EPB41L4A: variants seen among roughly 807,000 people sequenced by gnomAD.
EPB41L4A encodes band 4.1-like protein 4A.
A neutral mutation model predicts 108.6 loss-of-function variants in EPB41L4A; 100 were observed. That is an observed-to-expected ratio of 0.92 (90% confidence interval 0.78 to 1.09). The LOEUF is 1.09. Among genes scored for constraint, EPB41L4A ranks in the 50% least tolerant of loss-of-function variants. EPB41L4A has a pLI of 0.00. For synonymous variants in EPB41L4A, 319 were observed against 289.0 expected, an observed-to-expected ratio of 1.10 and a Z score of -1.05; for missense variants, 1,030 against 842.7, an observed-to-expected ratio of 1.22 and a Z score of -2.75.
At chr5:112,357,527 A>G (rs937083550) in intron 1 of EPB41L4A, among the ~76,000 whole-genome samples, 1 of 152,208 alleles carries the variant, frequency 6.6e-6, no homozygotes, top group Non-Finnish European at 1.5e-5. Context: ...TGGAAAGGAA[A>G]CTTGGGCCCG....
At chr5:112,417,999 T>G (rs1458894224) in intron 1 of EPB41L4A, among the ~76,000 whole-genome samples, 1 of 152,166 alleles carries the variant, frequency 6.6e-6, no homozygotes, top group Non-Finnish European at 1.5e-5. Context: ...AGAGGATACT[T>G]GGCAGCCTGA....
intron 4 of EPB41L4A, among the ~76,000 whole-genome samples, chr5:112,274,965 G>A (rs1166419076): frequency 6.6e-6 from 1 of 152,174 alleles, no homozygotes; most frequent in Non-Finnish European, 1.5e-5. Context: ...CTGGGCAAAT[G>A]TATATTTAGA....
chr5:112,359,224 A>T (rs529753907), intron 1 of EPB41L4A, among the ~76,000 whole-genome samples: 1 of 151,098 alleles, frequency 6.6e-6, no homozygotes, highest in East Asian at 2.0e-4. Context: ...ATATGTACAC[A>T]TGTCTTAGAA....
rs567838448 is a variant in EPB41L4A, at chr5:112,303,831, G to A, written c.204+3555C>T. Among the ~76,000 whole-genome samples the A allele has an allele frequency of 1.1e-3, 172 of 152,210 alleles. 1 individual carries two copies. Among genetic ancestry groups the A allele is most frequent in the African/African-American group, 4.0e-3 (166 of 41,530 alleles). The stretch of plus-strand genomic sequence containing the variant: ...TTAGACAAGGTTTTCTGAAGTTTAC[G>A]CGTGATGCAGAAGGAGCCAAAGACA... On this transcript the variant is annotated intron_variant, in intron 2 of 22. Transcript: ENST00000261486.
intron 15 of EPB41L4A, among the ~76,000 whole-genome samples, chr5:112,203,866 A>C (rs1762336780): frequency 6.6e-6 from 1 of 151,224 alleles, no homozygotes; most frequent in Admixed American, 6.6e-5. Flanking sequence ...ACATGGAAAA[A>C]CCCCTACTAA....
intron 16 of EPB41L4A, 26 bp from the exon 17 acceptor site, chr5:112,194,671 A>AC (rs776275812): frequency 3.9e-6 from 6 of 1,533,658 alleles, no homozygotes; most frequent in Non-Finnish European, 5.3e-6. Flanking sequence ...TAAGAACAAA[A>AC]GAAAAAACAC....
chr5:112,175,920 C>T (rs1186008350), intron 18 of EPB41L4A, among the ~76,000 whole-genome samples: 2 of 152,136 alleles, frequency 1.3e-5, no homozygotes, highest in African/African-American at 4.8e-5. Context: ...TACAAGCCAC[C>T]ATACCCAGCT....
At chr5:112,295,854 C>G (rs1398579285) in intron 2 of EPB41L4A, among the ~76,000 whole-genome samples, 1 of 152,176 alleles carries the variant, frequency 6.6e-6, no homozygotes, top group African/African-American at 2.4e-5. Flanking sequence ...AATTTCCATA[C>G]TCTAGCTACT....
At chr5:112,401,454 A>G (rs1388392309) in intron 1 of EPB41L4A, among the ~76,000 whole-genome samples, 2 of 152,238 alleles carry the variant, frequency 1.3e-5, no homozygotes, top group African/African-American at 4.8e-5. Flanking sequence ...CATTAATTTT[A>G]AAGAATTTTT....
intron 9 of EPB41L4A, among the ~76,000 whole-genome samples, chr5:112,253,400 T>C (rs1750834303): frequency 6.6e-6 from 1 of 152,178 alleles, no homozygotes; most frequent in African/African-American, 2.4e-5. Context: ...TGTATTCTTT[T>C]AAAATGTCAA....
rs1174221705 is a variant in EPB41L4A at position 112,143,767 on chromosome 5, C to T, written n.1226G>A. On this transcript the variant is annotated non_coding_transcript_exon_variant, in exon 14 of 14. Coordinates refer to the EPB41L4A transcript ENST00000507810. ...CAGACAAGGGCTCCAATTGGCCCAG[C>T]TTGAGTCACGTGTTAATACCTGAAC... 6 of 402,226 alleles carry T rather than the reference C, an allele frequency of 1.5e-5. No individual in the cohort carries two copies. The East Asian group carries it at 3.9e-4, about 26-fold the overall frequency. The allele number at this position is 402,226 out of a possible 1,614,324, so 24.9% of individuals were successfully genotyped here.
At chr5:112,182,733 T>G (rs1761219407) in intron 18 of EPB41L4A, among the ~76,000 whole-genome samples, 1 of 152,176 alleles carries the variant, frequency 6.6e-6, no homozygotes, top group Admixed American at 6.5e-5. Context: ...TCTTGGGTTC[T>G]GCACCTTTTG....
intron 2 of EPB41L4A, among the ~76,000 whole-genome samples, chr5:112,293,376 G>A (rs371834728): frequency 1.0e-5 from 1 of 98,808 alleles, no homozygotes; most frequent in Non-Finnish European, 2.0e-5. Flanking sequence ...TTTTAATTTA[G>A]TTTAATTTAG....
rs115820835 is a variant in EPB41L4A at position 112,237,247 on chromosome 5, A to G, written c.965+2413T>C. Among the ~76,000 whole-genome samples, 860 of 152,292 alleles carry G rather than the reference A, an allele frequency of 5.6e-3. 8 individuals carry two copies. The highest frequency in any genetic ancestry group is 0.019 in the African/African-American group (809 of 41,570). On this transcript the variant is annotated intron_variant, in intron 11 of 22. Transcript: ENST00000261486. The stretch of plus-strand genomic sequence containing the variant: ...TAAAACAACAGTAACAACAACAACA[A>G]AAAGTACTGGAACATCAGATTTCAG...
intron 1 of EPB41L4A, among the ~76,000 whole-genome samples, chr5:112,379,772 T>C (rs946894398): frequency 6.6e-6 from 1 of 152,190 alleles, no homozygotes; most frequent in African/African-American, 2.4e-5. Context: ...ATACATTCCC[T>C]AGCAGTAACA....
downstream of EPB41L4A, chr5:112,161,106 G>A (rs1759870446): frequency 5.9e-6 from 1 of 169,042 alleles, no homozygotes; most frequent in African/African-American, 2.4e-5. Flanking sequence ...GTCGATTTGT[G>A]TTTACATCAT....
intron 5 of EPB41L4A, 67 bp downstream of exon 5, chr5:112,266,166 T>C: frequency 1.8e-6 from 2 of 1,137,156 alleles, no homozygotes; most frequent in Non-Finnish European, 2.5e-6. Context: ...GTATGTAAAC[T>C]CCCTTTTAAA....
chr5:112,389,676 G>T (rs1415490938), intron 1 of EPB41L4A, among the ~76,000 whole-genome samples: 1 of 152,046 alleles, frequency 6.6e-6, no homozygotes, highest in Non-Finnish European at 1.5e-5. Flanking sequence ...GTCTATAAAG[G>T]CAACTTCCTC....
intron 2 of EPB41L4A, among the ~76,000 whole-genome samples, chr5:112,285,031 G>T (rs1274768897): frequency 2.0e-5 from 3 of 152,096 alleles, no homozygotes; most frequent in African/African-American, 7.2e-5. Context: ...CCTTTCATTT[G>T]TCAACTGTTC....
Sources: allele counts gnomAD v4.1 joint callset (sites outside exome capture counted in the v4.1 genomes callset), GRCh38; gene constraint gnomAD v4.1.1; transcripts MANE v1.5; gene names NCBI Gene and HGNC (gene_info 2026-07-23, HGNC 2026-07-21).